The following FAM13A variants were observed in gnomAD, a reference collection of about 807,000 sequenced individuals.
The protein encoded by FAM13A is protein FAM13A.
FAM13A carries 76 observed loss-of-function variants against 129.6 expected under a neutral mutation model. The ratio of observed to expected loss-of-function variants is 0.59; its 90% CI spans 0.49 to 0.71. The LOEUF (loss-of-function observed/expected upper bound fraction) is 0.71. Ranked by LOEUF, FAM13A falls within the 30% of genes least tolerant of loss-of-function variation. The probability of loss-of-function intolerance (pLI) is 0.00; values close to 1 mark genes in which losing one functional copy is unlikely to be tolerated. For missense variants in FAM13A, 1,108 were observed against 1,249.3 expected (o/e 0.89, Z 1.70); for synonymous variants, 443 against 449.9 (o/e 0.98, Z 0.20).
At chr4:88,747,525 C>A in intron 18 of FAM13A, 106 bp downstream of exon 18, 1 of 924,726 alleles carries the variant, frequency 1.1e-6, no homozygotes. Context: ...GCCTGGAAGG[C>A]TTAACAAGGC....
At chr4:89,023,070 T>C (rs1767485577) in intron 2 of FAM13A, among the ~76,000 whole-genome samples, 1 of 152,220 alleles carries the variant, frequency 6.6e-6, no homozygotes, top group Non-Finnish European at 1.5e-5. Context: ...TAAATACTAT[T>C]GTTTTAATCT....
chr4:88,891,304 G>A (rs1274316289), intron 6 of FAM13A, among the ~76,000 whole-genome samples: 2 of 152,112 alleles, frequency 1.3e-5, no homozygotes, highest in African/African-American at 2.4e-5. Flanking sequence ...CATGCCTATA[G>A]TTCCAGCTAC....
At chr4:88,808,037 T>C (rs997217596) in intron 7 of FAM13A, among the ~76,000 whole-genome samples, 6 of 152,174 alleles carry the variant, frequency 3.9e-5, no homozygotes, top group Non-Finnish European at 8.8e-5. Flanking sequence ...GAGCAATCCA[T>C]GCACAGTCCC....
intron 11 of FAM13A, among the ~76,000 whole-genome samples, chr4:88,776,886 A>C (rs1721831963): frequency 6.6e-6 from 1 of 152,188 alleles, no homozygotes; most frequent in Non-Finnish European, 1.5e-5. Flanking sequence ...AGGCAGGAGA[A>C]TCACTTGAAC....
At chr4:89,023,133 G>A (rs936593769) in intron 2 of FAM13A, among the ~76,000 whole-genome samples, 1 of 152,154 alleles carries the variant, frequency 6.6e-6, no homozygotes, top group South Asian at 2.1e-4. Flanking sequence ...AATACGATAC[G>A]CCTTTCCCTT....
At chr4:88,886,342 A>C (rs1320541318) in intron 6 of FAM13A, among the ~76,000 whole-genome samples, 2 of 152,188 alleles carry the variant, frequency 1.3e-5, no homozygotes, top group Non-Finnish European at 2.9e-5. Flanking sequence ...TAATCCCAGC[A>C]CTTTGGGAGG....
At chr4:89,044,095 C>CAAAAAAAAAAAAAAAAAAAA (rs148233625) in intron 1 of FAM13A, among the ~76,000 whole-genome samples, 15 of 115,978 alleles carry the variant, frequency 1.3e-4, no homozygotes, top group Admixed American at 1.7e-4. Context: ...GAGACCATAT[C>CAAAAAAAAAAAAAAAAAAAA]AAAAAAAAAG....
intron 3 of FAM13A, among the ~76,000 whole-genome samples, chr4:89,019,446 C>A (rs1456452126): frequency 3.3e-5 from 5 of 151,964 alleles, no homozygotes; most frequent in Non-Finnish European, 7.4e-5. Context: ...AATGACTATG[C>A]CTATAATTAT....
At chr4:88,807,334 T>C (rs1433573761) in intron 7 of FAM13A, among the ~76,000 whole-genome samples, 1 of 152,150 alleles carries the variant, frequency 6.6e-6, no homozygotes, top group Non-Finnish European at 1.5e-5. Context: ...CCCTCACAAA[T>C]TTCATATCAA....
intron 6 of FAM13A, among the ~76,000 whole-genome samples, chr4:88,865,759 T>C (rs535858673): frequency 9.4e-4 from 143 of 152,352 alleles, no homozygotes; most frequent in Middle Eastern, 3.4e-3. Context: ...GGCACGGCTG[T>C]GTTCCTACAA....
chr4:88,917,199 T>C (rs1579265283), intron 5 of FAM13A, among the ~76,000 whole-genome samples: 2 of 152,328 alleles, frequency 1.3e-5, no homozygotes, highest in East Asian at 3.9e-4. Flanking sequence ...AAAGTTAAGT[T>C]TGGGCATCTG....
At chr4:89,045,249 C>T (rs1163798906) in intron 1 of FAM13A, among the ~76,000 whole-genome samples, 2 of 151,988 alleles carry the variant, frequency 1.3e-5, no homozygotes, top group African/African-American at 2.4e-5. Context: ...AAAAACATTT[C>T]AGAAGTGAAG....
intron 7 of FAM13A, among the ~76,000 whole-genome samples, chr4:88,841,117 T>C (rs1735733696): frequency 6.6e-6 from 1 of 152,208 alleles, no homozygotes; most frequent in African/African-American, 2.4e-5. Context: ...GTTTATTAGA[T>C]GTGTCATCAA....
chr4:88,758,805 C>T lies in FAM13A; in HGVS notation c.1675G>A (p.Glu559Lys), dbSNP rs772498914. 23 of 1,613,906 alleles carry T rather than the reference C, an allele frequency of 1.4e-5. No individual in the cohort carries two copies. Among genetic ancestry groups the T allele is most frequent in the East Asian group, 8.9e-5 (4 of 44,892 alleles). The change falls in exon 14 of 24, where the codon GAA becomes AAA. Residue 559 changes from glutamate (E) to lysine (K), a missense_variant. Transcript: ENST00000264344. The part of the protein sequence containing the change: ...AGDQEESFVS[E>K]VPQSDLTALC... ...GCAGTCAGGTCCGACTGGGGCACTT[C>T]GGAGACAAAGCTCTCCTCCTGGTCA... is the stretch of plus-strand genomic sequence containing the variant.
chr4:88,857,078 A>G (rs1355635376), intron 6 of FAM13A, among the ~76,000 whole-genome samples: 2 of 152,192 alleles, frequency 1.3e-5, no homozygotes, highest in African/African-American at 4.8e-5. Context: ...TAGCTAATTA[A>G]TGTTCCATTT....
intron 1 of FAM13A, among the ~76,000 whole-genome samples, chr4:89,052,902 C>A (rs1771790599): frequency 6.6e-6 from 1 of 152,094 alleles, no homozygotes; most frequent in South Asian, 2.1e-4. Flanking sequence ...GAGGAAACTG[C>A]TTAAACTATA....
intron 4 of FAM13A, among the ~76,000 whole-genome samples, chr4:88,945,990 GTATATATATATATATATATATA>G (rs199936059): frequency 3.2e-5 from 2 of 61,964 alleles, no homozygotes; most frequent in Admixed American, 1.7e-4. Context: ...GTGTGTGTGT[GTATATATATATATATATATATA>G]TATATATATA....
At chr4:88,906,336 C>T (rs1748159473) in intron 6 of FAM13A, 43 bp downstream of exon 6, 2 of 1,238,712 alleles carry the variant, frequency 1.6e-6, no homozygotes, top group East Asian at 4.7e-5. Context: ...AAGAACCATG[C>T]TAAAGATTTC....
chr4:89,056,182 T>A (rs1560982351), intron 1 of FAM13A, among the ~76,000 whole-genome samples: 2 of 152,344 alleles, frequency 1.3e-5, no homozygotes, highest in East Asian at 3.9e-4. Context: ...TACAGATATA[T>A]GCATTTTCTA....
Sources: gnomAD v4.1 joint callset for allele counts (sites outside exome capture counted in the v4.1 genomes callset) on GRCh38, gnomAD v4.1.1 for gene constraint, MANE v1.5 for transcripts, NCBI Gene and HGNC (gene_info 2026-07-23, HGNC 2026-07-21) for gene names.